RAB9B: variants seen among roughly 807,000 people sequenced by gnomAD.
RAB9B encodes the protein RAB9B, member RAS oncogene family, also known as ras-related protein Rab-9B.
Under a neutral mutation model 8.9 loss-of-function variants are expected in RAB9B, and 1 was observed. That is an observed-to-expected ratio of 0.11 (90% CI 0.04 to 0.53). RAB9B has a LOEUF of 0.53. Among genes scored for constraint, RAB9B ranks in the 20% least tolerant of loss-of-function variants. The probability of loss-of-function intolerance (pLI) is 0.93; values close to 1 mark genes in which losing one functional copy is unlikely to be tolerated. For missense variants in RAB9B, 82 were observed against 152.9 expected (o/e 0.54, Z 2.45); for synonymous variants, 63 against 57.0 (o/e 1.10, Z -0.47).
At chrX:103,830,268 CTTAAA>C (rs2147787282) in intron 1 of RAB9B, among the ~76,000 whole-genome samples, 1 of 111,518 alleles carries the variant, frequency 9.0e-6, no homozygotes, top group African/African-American at 3.3e-5. Context: ...TTAGTACATA[CTTAAA>C]TTAAAAAGAA....
At chrX:103,792,676 C>T in the RAB9B span, 1 of 112,493 alleles carries the variant, frequency 8.9e-6, no homozygotes, top group Non-Finnish European at 1.9e-5. Flanking sequence ...ACTTAATAAT[C>T]GTACCTTGTT....
chrX:103,823,068 T>C lies in RAB9B; in HGVS notation c.*2111A>G, dbSNP rs1044737158. ...AAATACTTTTGTGAGTTGATAGAGG[T>C]CTTTATGATGAAGGCCTGAGATCTA... On this transcript the variant is annotated 3_prime_UTR_variant, in exon 3 of 3. Coordinates refer to ENST00000243298, the MANE Select transcript of RAB9B (RefSeq NM_016370.4). 4 of 108,731 alleles carry C rather than the reference T, an allele frequency of 3.7e-5. No individual in the cohort carries two copies. Among genetic ancestry groups the C allele is most frequent in the Non-Finnish European group, 7.7e-5 (4 of 52,131 alleles). 9.0% of individuals were successfully genotyped at this position (108,731 alleles called of 1,213,427 possible).
intron 1 of RAB9B, among the ~76,000 whole-genome samples, chrX:103,827,640 A>C (rs2074688358): frequency 8.9e-6 from 1 of 111,915 alleles, no homozygotes; most frequent in Non-Finnish European, 1.9e-5. Context: ...TATTTTATTA[A>C]TTAGTTTAGG....
the RAB9B span, among the ~76,000 whole-genome samples, chrX:103,810,378 G>C: frequency 8.9e-6 from 1 of 111,795 alleles, no homozygotes; most frequent in Admixed American, 9.5e-5. Context: ...TCTGGGCTTT[G>C]CATCAGAGTC....
the RAB9B span, among the ~76,000 whole-genome samples, chrX:103,804,775 T>C: frequency 8.9e-6 from 1 of 112,121 alleles, no homozygotes; most frequent in Non-Finnish European, 1.9e-5. Context: ...TTGATGCTAT[T>C]ATAAATGAAA....
the RAB9B span, among the ~76,000 whole-genome samples, chrX:103,798,086 C>T: frequency 9.0e-6 from 1 of 111,309 alleles, no homozygotes. Flanking sequence ...TTAACAAGAT[C>T]CCAGGACGAT....
chrX:103,807,885 A>G, the RAB9B span, among the ~76,000 whole-genome samples: 4 of 112,188 alleles, frequency 3.6e-5, no homozygotes, highest in Non-Finnish European at 5.6e-5. Flanking sequence ...TGTTTCCACC[A>G]TTGATTCCCA....
chrX:103,780,388 C>G, the RAB9B span: 2 of 111,031 alleles, frequency 1.8e-5, no homozygotes, highest in African/African-American at 6.6e-5. Flanking sequence ...CCTCAGCTTC[C>G]CAATGCTTGC....
At chrX:103,787,791 A>G in the RAB9B span, 1 of 1,205,080 alleles carries the variant, frequency 8.3e-7, no homozygotes, top group African/African-American at 1.7e-5. Context: ...CATGTCAATC[A>G]TTTTAGTTTG....
rs2074698328 is a variant in RAB9B, at chrX:103,830,286, A to T, written c.-117+1774T>A. Among the ~76,000 whole-genome samples, 3 of 111,943 alleles carry T rather than the reference A, an allele frequency of 2.7e-5. No individual in the cohort carries two copies. The South Asian group carries it at 1.2e-3, about 43-fold the overall frequency. Reference sequence around the variant, plus strand: ...GTACATACTTAAATTAAAAAGAACTAGCACAGTGTAAAAGCAAATGAAATC... The same window carrying T: ...GTACATACTTAAATTAAAAAGAACTTGCACAGTGTAAAAGCAAATGAAATC... On this transcript the variant is annotated intron_variant, in intron 1 of 2. Coordinates refer to ENST00000243298, the MANE Select transcript of RAB9B (RefSeq NM_016370.4).
the RAB9B span, among the ~76,000 whole-genome samples, chrX:103,781,785 T>C: frequency 8.9e-6 from 1 of 112,392 alleles, no homozygotes; most frequent in Non-Finnish European, 1.9e-5. Context: ...TATTACTATA[T>C]GGTTCTTTTA....
At chrX:103,808,646 T>C in the RAB9B span, among the ~76,000 whole-genome samples, 1 of 112,932 alleles carries the variant, frequency 8.9e-6, no homozygotes, top group Non-Finnish European at 1.9e-5. Context: ...AGAAGCCACC[T>C]TCTCATGATT....
chrX:103,779,990 G>A, the RAB9B span: 1 of 112,839 alleles, frequency 8.9e-6, no homozygotes, highest in African/African-American at 3.2e-5. Flanking sequence ...CAGCAGCCAT[G>A]GTAGGTGAAT....
the RAB9B span, chrX:103,779,918 C>T: frequency 2.7e-5 from 3 of 112,542 alleles, no homozygotes; most frequent in Admixed American, 9.4e-5. Context: ...GCCTTCCCTG[C>T]CCACAGCACT....
the RAB9B span, chrX:103,786,380 G>T: frequency 1.9e-6 from 2 of 1,080,156 alleles, no homozygotes; most frequent in Non-Finnish European, 2.6e-6. Flanking sequence ...GCTCGCTCTG[G>T]TGTATACCTC....
At chrX:103,821,059 C>G (rs1432396718), downstream of RAB9B, among the ~76,000 whole-genome samples, 1 of 101,714 alleles carries the variant, frequency 9.8e-6, no homozygotes, top group Non-Finnish European at 2.0e-5. Context: ...CCCAGCTACT[C>G]AGGAGGCTGA....
the RAB9B span, among the ~76,000 whole-genome samples, chrX:103,809,332 C>T: frequency 8.9e-6 from 1 of 111,753 alleles, no homozygotes; most frequent in African/African-American, 3.3e-5. Context: ...TGGAGTTTTG[C>T]TCTTGTTGCC....
the RAB9B span, chrX:103,785,862 G>A: frequency 1.2e-6 from 1 of 836,718 alleles, no homozygotes; most frequent in Non-Finnish European, 1.8e-6. Context: ...AACTAGCAGG[G>A]GACTGGGGTG....
chrX:103,802,184 A>AAGAAAGAGAGAGAGAGAG, the RAB9B span, among the ~76,000 whole-genome samples: 1 of 105,826 alleles, frequency 9.4e-6, no homozygotes, highest in Non-Finnish European at 2.0e-5. Context: ...ATGATAGAAG[A>AAGAAAGAGAGAGAGAGAG]AGAAAGAGAG....
Sources: allele counts gnomAD v4.1 joint callset (sites outside exome capture counted in the v4.1 genomes callset), GRCh38; gene constraint gnomAD v4.1.1; transcripts MANE v1.5; gene names NCBI Gene and HGNC (gene_info 2026-07-23, HGNC 2026-07-21).